Variants in UACA observed in about 807,000 individuals in gnomAD.
The protein encoded by UACA is uveal autoantigen with coiled-coil domains and ankyrin repeats.
Under a neutral mutation model 160.5 loss-of-function variants are expected in UACA, and 112 were observed. The ratio of observed to expected loss-of-function variants is 0.70; its 90% CI spans 0.60 to 0.82. UACA has a LOEUF of 0.82. Among genes scored for constraint, UACA ranks in the 40% least tolerant of loss-of-function variants. The pLI is 0.00. For synonymous variants in UACA, 557 were observed against 568.4 expected (o/e 0.98, Z 0.29); for missense variants, 1,574 against 1,614.6 (o/e 0.97, Z 0.43).
the UACA span, among the ~76,000 whole-genome samples, chr15:70,774,034 C>T: frequency 6.6e-6 from 1 of 152,202 alleles, no homozygotes; most frequent in Admixed American, 6.5e-5. Context: ...ACATCTCACC[C>T]TTTTCTGTAT....
At chr15:70,752,576 GTC>G (rs940694208) in intron 1 of UACA, among the ~76,000 whole-genome samples, 7 of 151,292 alleles carry the variant, frequency 4.6e-5, no homozygotes, top group Admixed American at 2.0e-4. Context: ...CTCTTGGAAT[GTC>G]TCTCTCTAGT....
At chr15:70,751,268 A>T (rs989897388) in intron 1 of UACA, among the ~76,000 whole-genome samples, 1 of 152,110 alleles carries the variant, frequency 6.6e-6, no homozygotes, top group African/African-American at 2.4e-5. Context: ...TGCTCAATAA[A>T]TTTTTTTCAT....
intron 1 of UACA, among the ~76,000 whole-genome samples, chr15:70,746,637 ATACC>A (rs1298259166): frequency 6.6e-6 from 1 of 152,224 alleles, no homozygotes; most frequent in East Asian, 1.9e-4. Context: ...TACTGAGTAT[ATACC>A]AAAATGATTA....
rs1037254955 is a variant in UACA at position 70,671,303 on chromosome 15, GTTT to G, written c.1169-215_1169-213del. The G allele has an allele frequency of 3.1e-5, 9 of 292,522 alleles. No homozygotes were observed. In the East Asian group the frequency reaches 3.4e-4, roughly 11 times the overall value. 18.1% of individuals were successfully genotyped at this position (292,522 alleles called of 1,614,324 possible). A position where few individuals can be genotyped will look rare whatever the true frequency, so the allele number is the denominator to read the frequency against. On this transcript the variant is annotated intron_variant, in intron 14 of 18. Coordinates refer to ENST00000322954, the MANE Select transcript of UACA (RefSeq NM_018003.4). Reference sequence around the variant, plus strand: ...CTACTGAACAACAGATACTAGGTTGGTTTTTTTTTTTCTTATTTTTTTCTATGC... The same window carrying G: ...CTACTGAACAACAGATACTAGGTTGGTTTTTTTTCTTATTTTTTTCTATGC...
At chr15:70,699,411 G>C in intron 2 of UACA, 116 bp downstream of exon 2, 1 of 1,209,810 alleles carries the variant, frequency 8.3e-7, no homozygotes, top group Non-Finnish European at 1.2e-6. Flanking sequence ...TTATAGTGCA[G>C]GTTTTGGCAG....
chr15:70,763,349 C>A lies in UACA; in HGVS notation c.59G>T (p.Gly20Val). 4.5e-6 allele frequency: 6 copies of A among 1,334,342 alleles called. No individual in the cohort carries two copies. The highest frequency in any genetic ancestry group is 5.8e-6 in the Non-Finnish European group (6 of 1,037,170). 82.7% of individuals were successfully genotyped at this position (1,334,342 alleles called of 1,614,324 possible). ...RQDVPGPASS[G>V]AAAASAHAAD... is the part of the protein sequence containing the mutation. ...ACTCACCGCGCTGGCGGCGGCGGCG[C>A]CAGACGACGCGGGGCCGGGCACGTC... Residue 20 changes from glycine to valine, a missense_variant, in exon 1 of 19, where the codon GGC (glycine) becomes GTC (valine). Coordinates refer to ENST00000322954, the MANE Select transcript of UACA (RefSeq NM_018003.4).
At chr15:70,771,848 T>A in the UACA span, among the ~76,000 whole-genome samples, 2 of 152,154 alleles carry the variant, frequency 1.3e-5, no homozygotes, top group African/African-American at 4.8e-5. Context: ...CAGTGTGGTA[T>A]GGCTTGGCTT....
At chr15:70,755,955 A>AT (rs1331954935) in intron 1 of UACA, among the ~76,000 whole-genome samples, 1 of 152,092 alleles carries the variant, frequency 6.6e-6, no homozygotes, top group Non-Finnish European at 1.5e-5. Flanking sequence ...CAACCTTTTT[A>AT]TGGGCTCACT....
intron 1 of UACA, among the ~76,000 whole-genome samples, chr15:70,718,324 ATGTGTGTGTGTGTGTGTGTG>A (rs59313425): frequency 5.6e-4 from 34 of 60,228 alleles, no homozygotes; most frequent in Admixed American, 1.1e-3. Flanking sequence ...GAGAGAGAGA[ATGTGTGTGTGTGTGTGTGTG>A]TGTGTGTGTG....
At position 70,668,223 on chromosome 15, in the gene UACA, C is replaced by A; in HGVS notation, c.2461G>T (p.Val821Phe). 6.2e-7 allele frequency: 1 copy of A among 1,612,724 alleles called. No homozygotes were observed. Among genetic ancestry groups the A allele is most frequent in the Non-Finnish European group, 8.5e-7 (1 of 1,179,762 alleles). Residue 821 changes from valine to phenylalanine, a missense_variant, in exon 16 of 19, where the codon GTT (valine) becomes TTT (phenylalanine). By Grantham distance (50) the Val-to-Phe change is conservative (BLOSUM62 -1). Coordinates refer to ENST00000322954, the MANE Select transcript of UACA (RefSeq NM_018003.4). Reference sequence around the variant, plus strand: ...TCAGACAGCTGTTTCTTAAGTTCAACAATATTGGATTTCAGAGCTATTATC... The same window carrying A: ...TCAGACAGCTGTTTCTTAAGTTCAAAAATATTGGATTTCAGAGCTATTATC... ...KEIIALKSNI[V>F]ELKKQLSELK...
chr15:70,669,484 C>T, intron 15 of UACA, 22 bp from the exon 16 acceptor site: 1 of 1,488,156 alleles, frequency 6.7e-7, no homozygotes, highest in Non-Finnish European at 9.0e-7. Context: ...AAAAAAAAGA[C>T]ATCAATCACA....
chr15:70,663,094 C>A (rs1280799931), intron 17 of UACA, among the ~76,000 whole-genome samples: 1 of 152,134 alleles, frequency 6.6e-6, no homozygotes, highest in South Asian at 2.1e-4. Context: ...AATGGGAGAA[C>A]ATTTTTGCAA....
intron 3 of UACA, among the ~76,000 whole-genome samples, chr15:70,694,384 T>C (rs1008774337): frequency 6.6e-6 from 1 of 151,954 alleles, no homozygotes; most frequent in African/African-American, 2.4e-5. Flanking sequence ...AGAAATATAT[T>C]TCGATTCTCT....
rs1897553695 is a variant in UACA, at chr15:70,682,681, T to C, written c.822+77A>G. 3 of 848,146 alleles carry C rather than the reference T, an allele frequency of 3.5e-6. No individual in the cohort carries two copies. The East Asian group carries it at 9.6e-5, about 27-fold the overall frequency. The allele number at this position is 848,146 out of a possible 1,614,324, so 52.5% of individuals were successfully genotyped here. On this transcript the variant is annotated intron_variant, in intron 9 of 18. Transcript: ENST00000322954. ...GCATTTAAACTCAGAATAGTTATGC[T>C]AACTATTAACTAGTTTTACTAAGCA...
chr15:70,680,495 G>GA (rs1218752618), intron 9 of UACA, among the ~76,000 whole-genome samples: 2 of 152,014 alleles, frequency 1.3e-5, no homozygotes, highest in African/African-American at 4.8e-5. Flanking sequence ...ATTCAAATGA[G>GA]TTTGGATCTA....
Position 70,667,790 on chromosome 15 carries a change from G to A in UACA, c.2894C>T (p.Ala965Val), listed in dbSNP as rs199811737. The part of the protein sequence containing the change: ...KGQEEIVTLH[A>V]EIKAQKKELD... ...CTCCTTCTTCTGGGCTTTAATTTCG[G>A]CATGCAGTGTCACAATCTCTTCTTG... is the stretch of plus-strand genomic sequence containing the variant. Residue 965 changes from alanine to valine, a missense_variant, in exon 16 of 19, where the codon GCC becomes GTC. Transcript: ENST00000322954. The A allele has an allele frequency of 6.2e-7, 1 of 1,613,768 alleles. No individual in the cohort carries two copies. The highest frequency in any genetic ancestry group is 8.5e-7 in the Non-Finnish European group (1 of 1,179,986).
In UACA at chr15:70,695,000, T is replaced by C; in HGVS notation, c.301+17A>G. 6.3e-7 allele frequency: 1 copy of C among 1,582,890 alleles called. No individual in the cohort carries two copies. The highest frequency in any genetic ancestry group is 8.7e-7 in the Non-Finnish European group (1 of 1,155,890). ...TTTCACTTTATGTTTTATAATTAACTATGGAGGCAAACATACCTGCAGTGT... is the reference window on the plus strand; with the variant it reads ...TTTCACTTTATGTTTTATAATTAACCATGGAGGCAAACATACCTGCAGTGT... On this transcript the variant is annotated intron_variant, in intron 3 of 18. Transcript: ENST00000322954.
At chr15:70,720,501 T>C (rs557748874) in intron 1 of UACA, among the ~76,000 whole-genome samples, 23 of 152,280 alleles carry the variant, frequency 1.5e-4, no homozygotes, top group African/African-American at 5.5e-4. Flanking sequence ...GGAATGTTTA[T>C]TGTGGATATC....
intron 1 of UACA, among the ~76,000 whole-genome samples, chr15:70,755,699 A>G (rs1381333376): frequency 6.6e-6 from 1 of 151,822 alleles, no homozygotes. Flanking sequence ...GAATGAATGA[A>G]AACCTTCCTT....
Sources: allele counts gnomAD v4.1 joint callset (sites outside exome capture counted in the v4.1 genomes callset), GRCh38; gene constraint gnomAD v4.1.1; transcripts MANE v1.5; gene names NCBI Gene and HGNC (gene_info 2026-07-23, HGNC 2026-07-21).